The following WFS1 variants were observed in gnomAD, a reference collection of about 807,000 sequenced individuals.
WFS1 encodes the protein wolframin.
Under a neutral mutation model 68.5 loss-of-function variants are expected in WFS1, and 90 were observed. The observed-to-expected ratio is 1.31, with a 90% confidence interval of 1.11 to 1.56. The LOEUF (loss-of-function observed/expected upper bound fraction) is 1.56, where lower values mean the gene tolerates loss of function less well. Ranked by LOEUF, WFS1 falls within the 40% of genes most tolerant of loss-of-function variation. WFS1 has a pLI of 0.00. For missense variants in WFS1, 1,767 were observed against 1,232.6 expected (o/e 1.43, Z -6.49); for synonymous variants, 860 against 540.7 (o/e 1.59, Z -8.19).
chr4:6,275,782 C>T (rs1343941022), intron 1 of WFS1, among the ~76,000 whole-genome samples: 1 of 152,192 alleles, frequency 6.6e-6, no homozygotes, highest in East Asian at 1.9e-4. Flanking sequence ...TGTGTGGAGC[C>T]TGGGGCCACT....
Position 6,302,681 on chromosome 4 carries a change from G to C in WFS1, c.*213G>C, listed in dbSNP as rs1731000923. The C allele has an allele frequency of 1.5e-6, 1 of 688,702 alleles. No individual in the cohort carries two copies. Among genetic ancestry groups the C allele is most frequent in the Non-Finnish European group, 2.4e-6 (1 of 417,140 alleles). The allele number at this position is 688,702 out of a possible 1,614,324, so 42.7% of individuals were successfully genotyped here. On this transcript the variant is annotated 3_prime_UTR_variant, in exon 8 of 8. Transcript: ENST00000226760. ...CCACTCTGAATACCAAGTGTGTTGG[G>C]AATTGCATGCCATCTCCACCCTGAG...
intron 2 of WFS1, among the ~76,000 whole-genome samples, chr4:6,279,282 G>T (rs562498996): frequency 5.3e-5 from 8 of 152,310 alleles, no homozygotes; most frequent in African/African-American, 1.9e-4. Context: ...TAACAACAAG[G>T]GTAGCTATTT....
intron 7 of WFS1, among the ~76,000 whole-genome samples, chr4:6,296,923 C>G (rs1730653440): frequency 6.6e-6 from 1 of 152,188 alleles, no homozygotes; most frequent in East Asian, 1.9e-4. Flanking sequence ...GTGCCAAACT[C>G]AAGTGATCCT....
rs528632872 is a variant in WFS1 at position 6,286,721 on chromosome 4, A to C, written c.233-372A>C. Among the ~76,000 whole-genome samples, 7 of 152,328 alleles carry C rather than the reference A, an allele frequency of 4.6e-5. No individual in the cohort carries two copies. The East Asian group carries it at 7.7e-4, about 17-fold the overall frequency. On this transcript the variant is annotated intron_variant, in intron 2 of 7. Coordinates refer to ENST00000226760, the MANE Select transcript of WFS1 (RefSeq NM_006005.3). Reference sequence around the variant, plus strand: ...TGTATTATTTAGGTCATGGGCTGTCAAACTTGAGTCCTTGGATCTTTCTAG... The same window carrying C: ...TGTATTATTTAGGTCATGGGCTGTCCAACTTGAGTCCTTGGATCTTTCTAG...
intron 1 of WFS1, among the ~76,000 whole-genome samples, chr4:6,270,355 C>T (rs2109103388): frequency 6.6e-6 from 1 of 151,428 alleles, no homozygotes; most frequent in East Asian, 2.0e-4. Context: ...CGCCCCGCGC[C>T]ATCCCCCCCG....
chr4:6,291,813 T>G, intron 5 of WFS1, 104 bp from the exon 6 acceptor site: 1 of 1,268,758 alleles, frequency 7.9e-7, no homozygotes, highest in Non-Finnish European at 1.1e-6. Flanking sequence ...AGGATGCCCC[T>G]GGAACTGGCG....
intron 7 of WFS1, among the ~76,000 whole-genome samples, chr4:6,300,137 G>A (rs556288258): frequency 2.0e-5 from 3 of 152,220 alleles, no homozygotes; most frequent in South Asian, 4.1e-4. Context: ...TTTCCCTAAT[G>A]CTTGCTCTGC....
intron 7 of WFS1, among the ~76,000 whole-genome samples, chr4:6,300,257 A>C (rs889620847): frequency 6.6e-6 from 1 of 152,120 alleles, no homozygotes; most frequent in East Asian, 1.9e-4. Context: ...CTGGGTCACA[A>C]AACCAGCTCC....
At chr4:6,296,303 C>T (rs936256120) in intron 7 of WFS1, among the ~76,000 whole-genome samples, 1 of 152,190 alleles carries the variant, frequency 6.6e-6, no homozygotes, top group Non-Finnish European at 1.5e-5. Context: ...TGCAGGGACT[C>T]GGAGCCAGAC....
intron 1 of WFS1, among the ~76,000 whole-genome samples, chr4:6,271,186 G>T (rs1341492580): frequency 6.6e-6 from 1 of 152,226 alleles, no homozygotes; most frequent in Non-Finnish European, 1.5e-5. Flanking sequence ...CTGTGTCCAA[G>T]GGTCTGTGAT....
At chr4:6,284,037 T>C (rs181871300) in intron 2 of WFS1, among the ~76,000 whole-genome samples, 116 of 151,928 alleles carry the variant, frequency 7.6e-4, no homozygotes, top group Non-Finnish European at 1.5e-3. Context: ...ACCACTGCCA[T>C]ATGGAAGCTG....
intron 1 of WFS1, among the ~76,000 whole-genome samples, chr4:6,273,319 T>A (rs905087788): frequency 1.3e-5 from 2 of 152,348 alleles, no homozygotes; most frequent in Non-Finnish European, 2.9e-5. Flanking sequence ...TATGCCTCAT[T>A]GCTCATGAGG....
In WFS1 at chr4:6,287,079, C is replaced by G; in HGVS notation, c.233-14C>G. On this transcript the variant is annotated splice_polypyrimidine_tract_variant and intron_variant, in intron 2 of 7. Coordinates refer to ENST00000226760, the MANE Select transcript of WFS1 (RefSeq NM_006005.3). This position sits in a 1 kb window ranked among gnomAD's most constrained non-coding sequence, Gnocchi z 6.4. ...GGCTTTGTGACATGTGTGTTTGTTT[C>G]TTCTGTGTTAAAGGGCCTACAAAGG... 6.4e-7 allele frequency: 1 copy of G among 1,553,582 alleles called. No homozygotes were observed.
intron 1 of WFS1, among the ~76,000 whole-genome samples, chr4:6,272,602 A>T (rs1027459520): frequency 6.6e-6 from 1 of 152,232 alleles, no homozygotes; most frequent in Non-Finnish European, 1.5e-5. Flanking sequence ...TTGCTCACAG[A>T]TGGGTTTTAA....
In WFS1 at chr4:6,292,052, G is replaced by GCGA. The variant is rs1730481159; in HGVS notation, c.712+57_712+59dup. 2.6e-6 allele frequency: 4 copies of GCGA among 1,512,934 alleles called. No individual in the cohort carries two copies. The South Asian group carries it at 4.9e-5, about 18-fold the overall frequency. The allele number at this position is 1,512,934 out of a possible 1,614,324, so 93.7% of individuals were successfully genotyped here. A position where few individuals can be genotyped will look rare whatever the true frequency, so the allele number is the denominator to read the frequency against. On this transcript the variant is annotated intron_variant, in intron 6 of 7. Coordinates refer to ENST00000226760, the MANE Select transcript of WFS1 (RefSeq NM_006005.3). ...ATGCCTCCCAGCCTGCACCTGCAGG[G>GCGA]CGACCTCTCCTTCCTGTGCGACTCC...
rs1394126110 is a variant in WFS1 at position 6,302,669 on chromosome 4, C to T, written c.*201C>T. 6 of 732,510 alleles carry T rather than the reference C, an allele frequency of 8.2e-6. No homozygotes were observed. Among genetic ancestry groups the T allele is most frequent in the South Asian group, 1.9e-5 (1 of 53,516 alleles). 45.4% of individuals were successfully genotyped at this position (732,510 alleles called of 1,614,324 possible). ...GTGTAGCTCTGTCCACTCTGAATAC[C>T]AAGTGTGTTGGGAATTGCATGCCAT... is the stretch of plus-strand genomic sequence containing the variant. On this transcript the variant is annotated 3_prime_UTR_variant, in exon 8 of 8. Transcript: ENST00000226760.
At chr4:6,270,187 G>T (rs1430063628) in intron 1 of WFS1, among the ~76,000 whole-genome samples, 173 bp downstream of exon 1, 2 of 152,030 alleles carry the variant, frequency 1.3e-5, no homozygotes, top group African/African-American at 4.8e-5. Context: ...CGGGGGTCCC[G>T]CCCGCTCTGC....
At chr4:6,276,437 T>G (rs1729996738) in intron 1 of WFS1, among the ~76,000 whole-genome samples, 1 of 152,206 alleles carries the variant, frequency 6.6e-6, no homozygotes, top group South Asian at 2.1e-4. Context: ...CTCTAGTCTC[T>G]TCTGATGCCC....
In WFS1 at chr4:6,301,078, C is replaced by T. The variant is rs763561068; in HGVS notation, c.1283C>T (p.Pro428Leu). 5 of 1,613,996 alleles carry T rather than the reference C, an allele frequency of 3.1e-6. No homozygotes were observed. Among genetic ancestry groups the T allele is most frequent in the East Asian group, 2.2e-5 (1 of 44,884 alleles). The stretch of plus-strand genomic sequence containing the variant: ...CCCATCGCCAGCAAGGACTGCATCC[C>T]CTGCTCGGAGCTGGCTGTCATCACC... The part of the protein sequence containing the change: ...SFPIASKDCI[P>L]CSELAVITGF... The change falls in exon 8 of 8, where the codon CCC (proline) becomes CTC (leucine). Residue 428 changes from proline to leucine, a missense_variant. Coordinates refer to ENST00000226760, the MANE Select transcript of WFS1 (RefSeq NM_006005.3).
Sources: gnomAD v4.1 joint callset for allele counts (sites outside exome capture counted in the v4.1 genomes callset) on GRCh38, gnomAD v4.1.1 for gene constraint, Gnocchi (gnomAD v3.1) non-coding constraint, MANE v1.5 for transcripts, NCBI Gene and HGNC (gene_info 2026-07-23, HGNC 2026-07-21) for gene names.